The following EEPD1 variants were observed in gnomAD, a reference collection of about 807,000 sequenced individuals.
EEPD1 encodes the protein endonuclease/exonuclease/phosphatase family domain containing 1, also known as endonuclease/exonuclease/phosphatase family domain-containing protein 1.
In EEPD1, 17 loss-of-function variants were observed where a neutral mutation model predicts 46.3. That is an observed-to-expected ratio of 0.37 (90% CI 0.25 to 0.55). The LOEUF (loss-of-function observed/expected upper bound fraction) is 0.55. Among genes scored for constraint, EEPD1 ranks in the 20% least tolerant of loss-of-function variants. The probability of loss-of-function intolerance (pLI) is 0.83; values close to 1 mark genes in which losing one functional copy is unlikely to be tolerated. For synonymous variants in EEPD1, 313 were observed against 315.6 expected (o/e 0.99, Z 0.09); for missense variants, 673 against 745.6 (o/e 0.90, Z 1.13).
intron 4 of EEPD1, among the ~76,000 whole-genome samples, chr7:36,282,948 A>G (rs1386846729): frequency 6.6e-6 from 1 of 152,368 alleles, no homozygotes; most frequent in East Asian, 1.9e-4. Flanking sequence ...ATATATCTGC[A>G]GGTTGAAAAT....
intron 3 of EEPD1, among the ~76,000 whole-genome samples, chr7:36,272,580 T>A (rs1288679876): frequency 6.6e-6 from 1 of 151,734 alleles, no homozygotes; most frequent in Non-Finnish European, 1.5e-5. Flanking sequence ...TTGGTATCTT[T>A]GGGGCACATG....
chr7:36,202,960 G>A (rs983065511), intron 2 of EEPD1, among the ~76,000 whole-genome samples: 28 of 152,202 alleles, frequency 1.8e-4, no homozygotes, highest in Admixed American at 8.5e-4. Flanking sequence ...CAGGCAGGGC[G>A]GAGGTCATGG....
chr7:36,160,681 G>GGA (rs762137982), intron 2 of EEPD1, among the ~76,000 whole-genome samples: 1 of 104,368 alleles, frequency 9.6e-6, no homozygotes, highest in African/African-American at 3.7e-5. Flanking sequence ...GGTGGTGGGG[G>GGA]GCGGGGCGTG....
At chr7:36,246,872 T>C (rs762490511) in intron 3 of EEPD1, among the ~76,000 whole-genome samples, 17 of 152,056 alleles carry the variant, frequency 1.1e-4, no homozygotes, top group Non-Finnish European at 2.5e-4. Flanking sequence ...ACGCCTGTAA[T>C]CCCAGCACTT....
In EEPD1 at chr7:36,154,977, A is replaced by C; in HGVS notation, c.653A>C (p.His218Pro). The C allele has an allele frequency of 6.2e-7, 1 of 1,613,448 alleles. No individual in the cohort carries two copies. Among genetic ancestry groups the C allele is most frequent in the Non-Finnish European group, 8.5e-7 (1 of 1,179,748 alleles). The change falls in exon 2 of 8, where the codon CAC (histidine) becomes CCC (proline). Residue 218 changes from histidine to proline, a missense_variant. By Grantham distance (77) the His-to-Pro change is moderately conservative. Coordinates refer to ENST00000242108, the MANE Select transcript of EEPD1 (RefSeq NM_030636.3). The surrounding 1 kb of genome is among the most constrained non-coding windows in gnomAD (Gnocchi z 4.2). The stretch of plus-strand genomic sequence containing the variant: ...GGACTGACCTTCACCGCCAAGCCTC[A>C]CCCGAGCCCCACTTCCCTGAGCCTG... ...NGGLTFTAKP[H>P]PSPTSLSLQS...
intron 6 of EEPD1, among the ~76,000 whole-genome samples, chr7:36,296,030 CAAAAAAAAAA>C (rs34494609): frequency 1.4e-5 from 1 of 71,948 alleles, no homozygotes; most frequent in Non-Finnish European, 2.3e-5. Flanking sequence ...GACTGTCTCA[CAAAAAAAAAA>C]AAAAAAAAAA....
intron 2 of EEPD1, among the ~76,000 whole-genome samples, chr7:36,175,900 G>A (rs928923045): frequency 2.0e-5 from 3 of 152,204 alleles, no homozygotes; most frequent in African/African-American, 4.8e-5. Context: ...GGGAGGAGGT[G>A]AAGCCAGAGG....
chr7:36,265,067 A>G (rs954417355), intron 3 of EEPD1, among the ~76,000 whole-genome samples: 1 of 152,230 alleles, frequency 6.6e-6, no homozygotes, highest in Admixed American at 6.5e-5. Context: ...CTTTATTTTT[A>G]TGATTATTGC....
intron 3 of EEPD1, among the ~76,000 whole-genome samples, chr7:36,258,547 G>T (rs1786862508): frequency 6.6e-6 from 1 of 152,188 alleles, no homozygotes; most frequent in East Asian, 1.9e-4. Context: ...ATCTAGAGAG[G>T]CAGTCTGGCT....
intron 2 of EEPD1, among the ~76,000 whole-genome samples, chr7:36,170,155 A>G (rs1785052190): frequency 1.3e-5 from 2 of 152,240 alleles, no homozygotes; most frequent in South Asian, 4.1e-4. Context: ...CTGTAATCCC[A>G]GCACTTTGCG....
intron 2 of EEPD1, among the ~76,000 whole-genome samples, chr7:36,172,224 C>G (rs1452859046): frequency 6.6e-6 from 1 of 152,288 alleles, no homozygotes; most frequent in Admixed American, 6.5e-5. Context: ...AAAGTAGAAT[C>G]TCTCTTCTGC....
At chr7:36,160,000 A>T (rs530782476) in intron 2 of EEPD1, among the ~76,000 whole-genome samples, 7 of 152,250 alleles carry the variant, frequency 4.6e-5, no homozygotes, top group Non-Finnish European at 1.0e-4. Flanking sequence ...GGCAGAACTT[A>T]GGGTTTATCT....
intron 3 of EEPD1, among the ~76,000 whole-genome samples, chr7:36,249,034 CAT>C (rs1491496360): frequency 4.0e-5 from 6 of 151,664 alleles, no homozygotes; most frequent in African/African-American, 1.5e-4. Context: ...CACACACACA[CAT>C]TTTCTCCTTA....
chr7:36,185,095 T>G (rs1486037354), intron 2 of EEPD1, among the ~76,000 whole-genome samples: 1 of 152,220 alleles, frequency 6.6e-6, no homozygotes, highest in Non-Finnish European at 1.5e-5. Flanking sequence ...ACCATTACTT[T>G]GAAGCTCCCT....
chr7:36,205,728 C>T (rs1785801633), intron 2 of EEPD1, among the ~76,000 whole-genome samples: 1 of 152,174 alleles, frequency 6.6e-6, no homozygotes, highest in Non-Finnish European at 1.5e-5. Flanking sequence ...GTAAGAAATT[C>T]CCAAAGTGAG....
chr7:36,231,739 G>A (rs1485745196), intron 2 of EEPD1, among the ~76,000 whole-genome samples: 1 of 152,168 alleles, frequency 6.6e-6, no homozygotes, highest in African/African-American at 2.4e-5. Context: ...GGAAGAGGCA[G>A]AATTGAAAAT....
chr7:36,263,771 C>T (rs936033327), intron 3 of EEPD1, among the ~76,000 whole-genome samples: 2 of 152,202 alleles, frequency 1.3e-5, no homozygotes, highest in East Asian at 3.8e-4. Flanking sequence ...CAGGTAAGTT[C>T]TGTCTTCCTT....
At chr7:36,244,994 A>G (rs1301024094) in intron 3 of EEPD1, among the ~76,000 whole-genome samples, 4 of 145,220 alleles carry the variant, frequency 2.8e-5, no homozygotes, top group Admixed American at 1.4e-4. Context: ...TGCCCAAGCT[A>G]GAGTGCAGTA....
Position 36,299,245 on chromosome 7 carries a change from G to C in EEPD1, c.*39G>C. On this transcript the variant is annotated 3_prime_UTR_variant, in exon 8 of 8. Coordinates refer to ENST00000242108, the MANE Select transcript of EEPD1 (RefSeq NM_030636.3). ...ATGTGTCCACCCTGGGACCCAGGAG[G>C]GCACAGCCAAGGAATGAGCCCTGTG... The C allele has an allele frequency of 6.3e-7, 1 of 1,599,260 alleles. No homozygotes were observed. The highest frequency in any genetic ancestry group is 1.7e-4 in the Middle Eastern group (1 of 6,026).
Sources: gnomAD v4.1 joint callset for allele counts (sites outside exome capture counted in the v4.1 genomes callset) on GRCh38, gnomAD v4.1.1 for gene constraint, Gnocchi (gnomAD v3.1) non-coding constraint, MANE v1.5 for transcripts, NCBI Gene and HGNC (gene_info 2026-07-23, HGNC 2026-07-21) for gene names.